Variants in MYO6 observed in about 807,000 individuals in gnomAD.
MYO6 encodes the protein unconventional myosin-VI.
MYO6 carries 74 observed loss-of-function variants against 178.7 expected under a neutral mutation model. The ratio of observed to expected loss-of-function variants is 0.41; its 90% CI spans 0.34 to 0.50. MYO6 has a LOEUF of 0.50. Ranked by LOEUF, MYO6 falls within the 20% of genes least tolerant of loss-of-function variation. MYO6 has a pLI of 0.09. For synonymous variants in MYO6, 477 were observed against 504.6 expected, an observed-to-expected ratio of 0.95 and a Z score of 0.73; for missense variants, 1,330 against 1,547.4, an observed-to-expected ratio of 0.86 and a Z score of 2.36.
At position 75,866,607 on chromosome 6, in the gene MYO6, G is replaced by A. The variant is rs1776720096; in HGVS notation, c.1756G>A (p.Val586Met). 6.2e-7 allele frequency: 1 copy of A among 1,613,592 alleles called. No individual in the cohort carries two copies. Among genetic ancestry groups the A allele is most frequent in the Non-Finnish European group, 8.5e-7 (1 of 1,179,488 alleles). Residue 586 changes from valine (V) to methionine (M), a missense_variant, in exon 17 of 35, where the codon GTG becomes ATG. By Grantham distance (21) the Val-to-Met change is conservative. Transcript: ENST00000369977. Reference protein sequence around the residue: ...GFIIRHFAGAVCYETTQFVEK... With the variant: ...GFIIRHFAGAMCYETTQFVEK... The stretch of plus-strand genomic sequence containing the variant: ...CATTATCAGGCATTTTGCGGGGGCA[G>A]TGTGCTATGAAACAGTGAGTATAAC...
At chr6:75,791,222 C>T (rs562706868) in intron 1 of MYO6, among the ~76,000 whole-genome samples, 5 of 152,282 alleles carry the variant, frequency 3.3e-5, no homozygotes, top group South Asian at 2.1e-4. Flanking sequence ...TGTGAGCCAC[C>T]GTGCCCGGCC....
At chr6:75,886,619 T>G (rs1778456355) in intron 24 of MYO6, among the ~76,000 whole-genome samples, 2 of 152,218 alleles carry the variant, frequency 1.3e-5, no homozygotes, top group South Asian at 2.1e-4. Flanking sequence ...CCTCTGTGAT[T>G]TGAATTCTCA....
chr6:75,911,254 A>G (rs1780735999), intron 32 of MYO6, among the ~76,000 whole-genome samples: 1 of 152,034 alleles, frequency 6.6e-6, no homozygotes, highest in Admixed American at 6.5e-5. Context: ...TACTGTTACC[A>G]AAACGTAGTA....
At chr6:75,809,339 C>A (rs1770434829) in intron 1 of MYO6, among the ~76,000 whole-genome samples, 1 of 152,116 alleles carries the variant, frequency 6.6e-6, no homozygotes, top group African/African-American at 2.4e-5. Context: ...ATGGAGACAT[C>A]AAGGGCATGG....
At chr6:75,845,470 A>G (rs1053733218) in intron 10 of MYO6, among the ~76,000 whole-genome samples, 2 of 152,032 alleles carry the variant, frequency 1.3e-5, no homozygotes, top group African/African-American at 4.8e-5. Flanking sequence ...AGGCGGGAGG[A>G]TCGTTTGAAG....
intron 1 of MYO6, among the ~76,000 whole-genome samples, chr6:75,775,644 G>T (rs1035315274): frequency 6.6e-6 from 1 of 152,048 alleles, no homozygotes; most frequent in Non-Finnish European, 1.5e-5. Flanking sequence ...CCTATAAAAG[G>T]GTCTTCTCCT....
At chr6:75,831,271 A>G (rs1280054) in intron 5 of MYO6, among the ~76,000 whole-genome samples, 97,605 of 152,106 alleles carry the variant, frequency 0.64, 32,971 homozygotes, top group East Asian at 0.91. Flanking sequence ...TTCGTAGTGC[A>G]TCCTGTTTCT....
intron 23 of MYO6, among the ~76,000 whole-genome samples, chr6:75,883,281 A>C (rs1156325386): frequency 2.6e-5 from 4 of 152,158 alleles, no homozygotes; most frequent in Non-Finnish European, 5.9e-5. Flanking sequence ...TTTGACATAA[A>C]AAAAAGTGTA....
chr6:75,886,118 G>T, intron 24 of MYO6, 24 bp downstream of exon 24: 1 of 1,498,704 alleles, frequency 6.7e-7, no homozygotes, highest in Non-Finnish European at 9.3e-7. Context: ...TTCCTAAAAA[G>T]AACTCTACAA....
intron 1 of MYO6, among the ~76,000 whole-genome samples, chr6:75,809,049 G>T (rs576861754): frequency 2.6e-5 from 4 of 152,224 alleles, no homozygotes; most frequent in Non-Finnish European, 5.9e-5. Context: ...TGAGATATGC[G>T]TTTGTCTCAC....
intron 1 of MYO6, among the ~76,000 whole-genome samples, chr6:75,780,303 G>A (rs1277361504): frequency 6.6e-6 from 1 of 152,200 alleles, no homozygotes; most frequent in Non-Finnish European, 1.5e-5. Context: ...TTAGCTGGGT[G>A]TGGTGGTGCA....
At chr6:75,891,640 T>A (rs1451215521) in intron 27 of MYO6, among the ~76,000 whole-genome samples, 3 of 151,056 alleles carry the variant, frequency 2.0e-5, no homozygotes, top group Admixed American at 6.6e-5. Context: ...TCAAAAAAAA[T>A]AAAAAATAAA....
intron 1 of MYO6, among the ~76,000 whole-genome samples, chr6:75,772,951 G>A (rs1766030353): frequency 6.6e-6 from 1 of 152,038 alleles, no homozygotes; most frequent in Non-Finnish European, 1.5e-5. Flanking sequence ...TGACTTTTTA[G>A]GAAATGTTTA....
chr6:75,782,464 A>G (rs996033113), intron 1 of MYO6, among the ~76,000 whole-genome samples: 7 of 151,874 alleles, frequency 4.6e-5, no homozygotes, highest in Non-Finnish European at 8.8e-5. Flanking sequence ...GTCATTCTTT[A>G]TAGCTGGTTA....
intron 16 of MYO6, among the ~76,000 whole-genome samples, chr6:75,863,784 C>A (rs1323701665): frequency 6.6e-6 from 1 of 151,722 alleles, no homozygotes; most frequent in Non-Finnish European, 1.5e-5. Context: ...GTGCCCGGCT[C>A]AGAAGACCTG....
chr6:75,782,486 G>A (rs1422243137), intron 1 of MYO6, among the ~76,000 whole-genome samples: 1 of 151,914 alleles, frequency 6.6e-6, no homozygotes, highest in African/African-American at 2.4e-5. Flanking sequence ...AAGGAAAAAT[G>A]GAAAGAAAAA....
At chr6:75,910,227 G>A (rs1285525693) in intron 32 of MYO6, among the ~76,000 whole-genome samples, 1 of 152,156 alleles carries the variant, frequency 6.6e-6, no homozygotes, top group Non-Finnish European at 1.5e-5. Flanking sequence ...AAAAATGACA[G>A]TGAGCTGTTC....
At chr6:75,868,090 G>A (rs1040515316) in intron 18 of MYO6, among the ~76,000 whole-genome samples, 1 of 151,868 alleles carries the variant, frequency 6.6e-6, no homozygotes, top group African/African-American at 2.4e-5. Context: ...TGAATGTTAT[G>A]GTACTGATAA....
In MYO6 at chr6:75,854,275, C is replaced by CTTT. The variant is rs61398235; in HGVS notation, c.1079-834_1079-832dup. 5.2e-3 allele frequency among the ~76,000 whole-genome samples: 237 copies of CTTT among 45,468 alleles called. 16 individuals are homozygous for CTTT. Among genetic ancestry groups the CTTT allele is most frequent in the African/African-American group, 9.5e-3 (86 of 9,080 alleles). 29.8% of individuals were successfully genotyped at this position (45,468 alleles called of 152,430 possible). On this transcript the variant is annotated intron_variant, in intron 11 of 34. Transcript: ENST00000369977. The stretch of plus-strand genomic sequence containing the variant: ...CATGGGTCAAGACCTAACTGCATTG[C>CTTT]TTTTTTTTTTTTTTTTTTTTTTTTT...
Sources: allele counts gnomAD v4.1 joint callset (sites outside exome capture counted in the v4.1 genomes callset), GRCh38; gene constraint gnomAD v4.1.1; transcripts MANE v1.5; gene names NCBI Gene and HGNC (gene_info 2026-07-23, HGNC 2026-07-21).